Variants in RGS6 observed in about 807,000 individuals in gnomAD.
RGS6 encodes the protein regulator of G-protein signaling 6.
A neutral mutation model predicts 78.5 loss-of-function variants in RGS6; 30 were observed. The ratio of observed to expected loss-of-function variants is 0.38; its 90% CI spans 0.29 to 0.52. The LOEUF is 0.52. RGS6 is among the 20% of genes least tolerant of loss of function. The pLI is 0.85. For synonymous variants in RGS6, 206 were observed against 206.0 expected, an observed-to-expected ratio of 1.00 and a Z score of 0.00; for missense variants, 495 against 609.7, an observed-to-expected ratio of 0.81 and a Z score of 1.98.
the RGS6 span, among the ~76,000 whole-genome samples, chr14:72,609,098 G>A: frequency 6.6e-6 from 1 of 152,158 alleles, no homozygotes; most frequent in Admixed American, 6.5e-5. Flanking sequence ...TCACTACGTG[G>A]GTAGTCAACA....
At chr14:72,482,136 G>A (rs2096394212) in intron 12 of RGS6, among the ~76,000 whole-genome samples, 2 of 152,100 alleles carry the variant, frequency 1.3e-5, no homozygotes. Context: ...TAATGGCAGT[G>A]TTTCTTAAAT....
At chr14:71,977,638 C>A (rs1038309317) in intron 2 of RGS6, among the ~76,000 whole-genome samples, 1 of 150,114 alleles carries the variant, frequency 6.7e-6, no homozygotes, top group Non-Finnish European at 1.5e-5. Flanking sequence ...GTTTTGGTAC[C>A]AGTACCATGC....
intron 3 of RGS6, among the ~76,000 whole-genome samples, chr14:72,360,544 A>C (rs747204575): frequency 6.6e-6 from 1 of 151,426 alleles, no homozygotes; most frequent in Non-Finnish European, 1.5e-5. Flanking sequence ...AAAACAAAAC[A>C]AAAAAGGAAG....
chr14:72,289,259 T>C (rs2063144348), intron 2 of RGS6, among the ~76,000 whole-genome samples: 1 of 152,168 alleles, frequency 6.6e-6, no homozygotes, highest in Non-Finnish European at 1.5e-5. Flanking sequence ...GCTCTCCCTC[T>C]CTATTTTCTT....
At chr14:72,168,199 C>T (rs150876762) in intron 2 of RGS6, among the ~76,000 whole-genome samples, 1 of 152,314 alleles carries the variant, frequency 6.6e-6, no homozygotes, top group Non-Finnish European at 1.5e-5. Context: ...CCTGCCCCAT[C>T]CCTTTCATGC....
intron 13 of RGS6, among the ~76,000 whole-genome samples, chr14:72,497,237 C>T (rs1380429052): frequency 6.6e-6 from 1 of 152,142 alleles, no homozygotes; most frequent in African/African-American, 2.4e-5. Flanking sequence ...CACATTCTTA[C>T]CATCCCAAGC....
At chr14:71,998,936 A>G (rs778639883) in intron 2 of RGS6, among the ~76,000 whole-genome samples, 1 of 152,194 alleles carries the variant, frequency 6.6e-6, no homozygotes, top group Non-Finnish European at 1.5e-5. Context: ...ATAAAACTTT[A>G]TTTATAAAAT....
At chr14:72,246,585 A>AT (rs1460837844) in intron 2 of RGS6, among the ~76,000 whole-genome samples, 1 of 152,136 alleles carries the variant, frequency 6.6e-6, no homozygotes, top group Non-Finnish European at 1.5e-5. Context: ...GTTTGCCATT[A>AT]TTTTTTGGCT....
intron 2 of RGS6, among the ~76,000 whole-genome samples, chr14:72,233,769 G>A (rs532557461): frequency 6.6e-5 from 10 of 152,288 alleles, no homozygotes; most frequent in Non-Finnish European, 1.2e-4. Context: ...GGGCCAGACC[G>A]GACGCTAGAG....
chr14:72,316,801 G>A (rs2070381494), intron 2 of RGS6, among the ~76,000 whole-genome samples: 1 of 151,590 alleles, frequency 6.6e-6, no homozygotes, highest in African/African-American at 2.4e-5. Context: ...CAAAATACAT[G>A]GCCAAATCAG....
intron 2 of RGS6, among the ~76,000 whole-genome samples, chr14:72,215,695 G>A (rs140593446): frequency 4.6e-5 from 7 of 152,276 alleles, no homozygotes; most frequent in East Asian, 3.9e-4. Flanking sequence ...GTGGAATGCC[G>A]AGAAAGGTAA....
downstream of RGS6, among the ~76,000 whole-genome samples, chr14:72,567,883 C>T (rs2097715577): frequency 6.6e-6 from 1 of 152,368 alleles, no homozygotes; most frequent in East Asian, 1.9e-4. Context: ...CTTCCGACAC[C>T]TGCAGCTGGG....
At chr14:72,391,554 G>A (rs577693122) in intron 3 of RGS6, among the ~76,000 whole-genome samples, 153 of 152,172 alleles carry the variant, frequency 1.0e-3, no homozygotes, top group African/African-American at 3.7e-3. Flanking sequence ...GGCCATTTCC[G>A]CCACTTTTCC....
chr14:72,264,869 G>A (rs2058770514), intron 2 of RGS6, among the ~76,000 whole-genome samples: 1 of 152,122 alleles, frequency 6.6e-6, no homozygotes, highest in Non-Finnish European at 1.5e-5. Context: ...AGCTCTAAGA[G>A]TCTTTGATGT....
chr14:71,928,756 C>G (rs1188640682), upstream of RGS6, among the ~76,000 whole-genome samples: 2 of 152,182 alleles, frequency 1.3e-5, no homozygotes, highest in African/African-American at 4.8e-5. Context: ...ATTTCAGGAT[C>G]CTTGCATGCA....
Position 72,145,138 on chromosome 14 carries a change from A to G in RGS6, c.84+180263A>G, listed in dbSNP as rs150223929. Among the ~76,000 whole-genome samples the G allele has an allele frequency of 2.9e-3, 442 of 152,246 alleles. 1 individual carries two copies. Among genetic ancestry groups the G allele is most frequent in the African/African-American group, 0.01 (425 of 41,528 alleles). ...AGTGCAGAGTCTGCAAAATATCTCA[A>G]GAACTGATGTTAGGTTTTACAATAG... On this transcript the variant is annotated intron_variant, in intron 2 of 17. Transcript: ENST00000553525.
intron 1 of RGS6, among the ~76,000 whole-genome samples, chr14:71,936,348 G>A (rs753444333): frequency 1.3e-5 from 2 of 151,854 alleles, no homozygotes; most frequent in African/African-American, 2.4e-5. Context: ...CTTTATATTC[G>A]CTGGAAGCTG....
At chr14:72,121,569 A>T (rs1353190764) in intron 2 of RGS6, among the ~76,000 whole-genome samples, 1 of 152,204 alleles carries the variant, frequency 6.6e-6, no homozygotes, top group Non-Finnish European at 1.5e-5. Flanking sequence ...TATGAAAAGC[A>T]TCGCTAAGAG....
intron 2 of RGS6, among the ~76,000 whole-genome samples, chr14:72,035,461 C>G (rs953081255): frequency 6.6e-6 from 1 of 151,826 alleles, no homozygotes; most frequent in East Asian, 1.9e-4. Context: ...TTTCTATTCT[C>G]TAATTTGTTT....
Sources: allele counts gnomAD v4.1 joint callset (sites outside exome capture counted in the v4.1 genomes callset), GRCh38; gene constraint gnomAD v4.1.1; transcripts MANE v1.5; gene names NCBI Gene and HGNC (gene_info 2026-07-23, HGNC 2026-07-21).